KCNH7: variants seen among roughly 807,000 people sequenced by gnomAD.
The protein encoded by KCNH7 is potassium voltage-gated channel subfamily H member 7.
KCNH7 carries 49 observed loss-of-function variants against 120.8 expected under a neutral mutation model. The ratio of observed to expected loss-of-function variants is 0.41; its 90% CI spans 0.32 to 0.51. The LOEUF (loss-of-function observed/expected upper bound fraction) is 0.51, where lower values mean the gene tolerates loss of function less well. KCNH7 is among the 20% of genes least tolerant of loss of function. KCNH7 has a pLI of 0.38. For missense variants in KCNH7, 1,097 were observed against 1,446.6 expected (o/e 0.76, Z 3.92); for synonymous variants, 547 against 516.1 (o/e 1.06, Z -0.81).
chr2:162,396,704 C>T, intron 11 of KCNH7, 36 bp downstream of exon 11: 1 of 1,438,702 alleles, frequency 7.0e-7, no homozygotes, highest in Non-Finnish European at 9.6e-7. Flanking sequence ...AATAAAATGT[C>T]AGAAATACAG....
At chr2:162,818,669 A>T (rs1684998618) in intron 2 of KCNH7, among the ~76,000 whole-genome samples, 1 of 152,204 alleles carries the variant, frequency 6.6e-6, no homozygotes, top group Non-Finnish European at 1.5e-5. Flanking sequence ...CAATATTTCA[A>T]GTTCCAATTC....
intron 2 of KCNH7, among the ~76,000 whole-genome samples, chr2:162,546,278 G>T (rs1179001240): frequency 6.6e-6 from 1 of 152,104 alleles, no homozygotes; most frequent in Non-Finnish European, 1.5e-5. Flanking sequence ...TTATGATCAG[G>T]AAGTTTGGGC....
intron 3 of KCNH7, among the ~76,000 whole-genome samples, chr2:162,532,349 C>T (rs1284509082): frequency 6.6e-6 from 1 of 151,848 alleles, no homozygotes; most frequent in Non-Finnish European, 1.5e-5. Flanking sequence ...ATCTCAAGAG[C>T]AGGTCTGTAA....
At chr2:162,582,381 T>C (rs1479459788) in intron 2 of KCNH7, among the ~76,000 whole-genome samples, 1 of 152,086 alleles carries the variant, frequency 6.6e-6, no homozygotes, top group East Asian at 1.9e-4. Context: ...TTTAACCCTT[T>C]AGTAGTAAGG....
chr2:162,571,835 C>G (rs977401761), intron 2 of KCNH7, among the ~76,000 whole-genome samples: 2 of 151,326 alleles, frequency 1.3e-5, no homozygotes, highest in Middle Eastern at 3.2e-3. Context: ...GGAAAACTGG[C>G]TAGCCATATG....
chr2:162,677,236 C>T (rs564454921), intron 2 of KCNH7, among the ~76,000 whole-genome samples: 9 of 151,530 alleles, frequency 5.9e-5, no homozygotes, highest in Admixed American at 6.6e-5. Flanking sequence ...TTGATTCATA[C>T]GCATTTTGCC....
chr2:162,601,642 T>C (rs34558837), intron 2 of KCNH7, among the ~76,000 whole-genome samples: 2 of 152,010 alleles, frequency 1.3e-5, no homozygotes, highest in Admixed American at 1.3e-4. Context: ...CAATTATCTG[T>C]GTACTAAACG....
At chr2:162,684,065 C>A (rs1463865987) in intron 2 of KCNH7, among the ~76,000 whole-genome samples, 1 of 152,070 alleles carries the variant, frequency 6.6e-6, no homozygotes, top group African/African-American at 2.4e-5. Flanking sequence ...ACCATCTGAT[C>A]TTTGACAAAC....
intron 2 of KCNH7, among the ~76,000 whole-genome samples, chr2:162,622,396 C>A (rs1016226215): frequency 6.6e-6 from 1 of 152,172 alleles, no homozygotes. Flanking sequence ...TCTAACATAA[C>A]TATTTTGTTC....
rs1686924335 is a variant in KCNH7 at position 162,396,805 on chromosome 2, C to A, written c.2548G>T (p.Glu850Ter). The A allele has an allele frequency of 6.2e-7, 1 of 1,611,808 alleles. No individual in the cohort carries two copies. Among genetic ancestry groups the A allele is most frequent in the South Asian group, 1.1e-5 (1 of 91,032 alleles). ...DLLEVLDMYP[E>*]FSDHFLTNLE... ...TTTGTTAGAAAGTGATCAGAAAACT[C>A]AGGATACATATCCAAAACCTCTAAC... The change falls in exon 11 of 16, where the codon GAG becomes TAG. Residue 850 changes from glutamate to a stop codon, truncating the protein, a stop_gained. Coordinates refer to ENST00000332142, the MANE Select transcript of KCNH7 (RefSeq NM_033272.4). LOFTEE classifies it high-confidence loss of function.
chr2:162,388,359 A>AAC (rs112497083), intron 12 of KCNH7, among the ~76,000 whole-genome samples: 10,822 of 148,992 alleles, frequency 0.073, 438 homozygotes, highest in Non-Finnish European at 0.093. Context: ...TCCCCACATA[A>AAC]ACACACACAC....
intron 2 of KCNH7, among the ~76,000 whole-genome samples, chr2:162,634,808 TA>T (rs1182056965): frequency 1.3e-5 from 2 of 152,042 alleles, no homozygotes; most frequent in East Asian, 3.9e-4. Context: ...ACTTGAAATA[TA>T]AGACTATTTT....
chr2:162,599,833 T>G (rs1490478841), intron 2 of KCNH7, among the ~76,000 whole-genome samples: 11 of 152,190 alleles, frequency 7.2e-5, no homozygotes, highest in African/African-American at 2.2e-4. Flanking sequence ...TACACAATTA[T>G]GCTAACTTTC....
intron 2 of KCNH7, chr2:162,795,391 T>G (rs1348480213): frequency 1.3e-5 from 2 of 151,992 alleles, no homozygotes; most frequent in African/African-American, 4.8e-5. Context: ...TTTTTTCCAT[T>G]TCAGGGACAC....
rs1471026079 is a variant in KCNH7 at position 162,530,579 on chromosome 2, CT to C, written c.463+6345del. Among the ~76,000 whole-genome samples the C allele has an allele frequency of 3.9e-5, 6 of 151,968 alleles. No individual in the cohort carries two copies. In the South Asian group the frequency reaches 1.2e-3, roughly 31 times the overall value. On this transcript the variant is annotated intron_variant, in intron 3 of 15. Transcript: ENST00000332142. ...TCGCCTTTGTGAATACCATTGTATACTTCTTTGTAACCATATTTTTATTTCA... is the reference window on the plus strand; with the variant it reads ...TCGCCTTTGTGAATACCATTGTATACTCTTTGTAACCATATTTTTATTTCA...
rs180811993 is a variant in KCNH7, at chr2:162,514,943, T to C, written c.893-2269A>G. On this transcript the variant is annotated intron_variant, in intron 4 of 15. Coordinates refer to ENST00000332142, the MANE Select transcript of KCNH7 (RefSeq NM_033272.4). ...AGGAGACAACAACCCAACTTCGAAA[T>C]CTTGTGCATGATTTCACCTGTTAAT... Among the ~76,000 whole-genome samples, 688 of 151,886 alleles carry C rather than the reference T, an allele frequency of 4.5e-3. 4 individuals carry two copies. Among genetic ancestry groups the C allele is most frequent in the Non-Finnish European group, 7.4e-3 (499 of 67,782 alleles).
At chr2:162,492,865 G>GTTTTTTTTTTTTTT (rs67006443) in intron 6 of KCNH7, among the ~76,000 whole-genome samples, 1 of 57,208 alleles carries the variant, frequency 1.7e-5, no homozygotes, top group Non-Finnish European at 3.6e-5. Context: ...CTTGGATCTT[G>GTTTTTTTTTTTTTT]TTTTTTTTTT....
At chr2:162,536,293 G>T (rs909080311) in intron 3 of KCNH7, among the ~76,000 whole-genome samples, 10 of 151,924 alleles carry the variant, frequency 6.6e-5, no homozygotes, top group Non-Finnish European at 1.3e-4. Context: ...ATGTATAAAA[G>T]AAATGGATAG....
At chr2:162,820,299 T>A (rs57852295) in intron 2 of KCNH7, among the ~76,000 whole-genome samples, 3,806 of 149,296 alleles carry the variant, frequency 0.025, 158 homozygotes, top group African/African-American at 0.087. Flanking sequence ...ATGGTCTCCA[T>A]CTCCTGACCT....
Sources: allele counts gnomAD v4.1 joint callset (sites outside exome capture counted in the v4.1 genomes callset), GRCh38; gene constraint gnomAD v4.1.1; transcripts MANE v1.5; gene names NCBI Gene and HGNC (gene_info 2026-07-23, HGNC 2026-07-21).